Variants in CEP112 observed in about 807,000 individuals in gnomAD.
CEP112 encodes centrosomal protein 112, also known as centrosomal protein of 112 kDa.
CEP112 carries 127 observed loss-of-function variants against 153.0 expected under a neutral mutation model. The ratio of observed to expected loss-of-function variants is 0.83; its 90% CI spans 0.72 to 0.96. The LOEUF (loss-of-function observed/expected upper bound fraction) is 0.96, where lower values mean the gene tolerates loss of function less well. Ranked by LOEUF, CEP112 falls within the 40% of genes least tolerant of loss-of-function variation. The pLI is 0.00. For synonymous variants in CEP112, 358 were observed against 374.4 expected, an observed-to-expected ratio of 0.96 and a Z score of 0.51; for missense variants, 1,089 against 1,101.2, an observed-to-expected ratio of 0.99 and a Z score of 0.16.
intron 4 of CEP112, among the ~76,000 whole-genome samples, chr17:66,155,255 G>A (rs2071386915): frequency 6.6e-6 from 1 of 152,122 alleles, no homozygotes; most frequent in Non-Finnish European, 1.5e-5. Context: ...CCGAAGCAGG[G>A]TGGGGTGATG....
intron 11 of CEP112, among the ~76,000 whole-genome samples, chr17:66,061,779 CA>C (rs2066930731): frequency 6.6e-6 from 1 of 152,022 alleles, no homozygotes. Flanking sequence ...TTACAAGAAG[CA>C]GGGGAGGAGA....
chr17:66,109,622 A>G (rs973852448), intron 6 of CEP112, among the ~76,000 whole-genome samples: 3 of 152,068 alleles, frequency 2.0e-5, no homozygotes, highest in Non-Finnish European at 4.4e-5. Context: ...TCATCAAAAG[A>G]TTAGGGCTAA....
chr17:65,998,595 T>G (rs1324410794), intron 17 of CEP112, among the ~76,000 whole-genome samples: 1 of 151,904 alleles, frequency 6.6e-6, no homozygotes, highest in East Asian at 1.9e-4. Flanking sequence ...CTGGAAAACC[T>G]GTTCATATGA....
chr17:66,046,342 A>G (rs2066209680), intron 12 of CEP112, among the ~76,000 whole-genome samples: 1 of 152,096 alleles, frequency 6.6e-6, no homozygotes, highest in Non-Finnish European at 1.5e-5. Context: ...ACGCCCGGCC[A>G]AAAAGTTTTT....
At chr17:65,844,739 GGC>G (rs2057659814) in intron 21 of CEP112, among the ~76,000 whole-genome samples, 2 of 151,752 alleles carry the variant, frequency 1.3e-5, no homozygotes, top group South Asian at 4.2e-4. Context: ...CATCTGGCTG[GGC>G]GTGGTGGCTC....
At chr17:65,716,471 T>C (rs7224972) in intron 23 of CEP112, among the ~76,000 whole-genome samples, 15,619 of 152,006 alleles carry the variant, frequency 0.1, 1,897 homozygotes, top group African/African-American at 0.28. Context: ...AGCCCTATGC[T>C]TTTAAGAGTT....
At chr17:66,190,272 G>A (rs928914058) in intron 1 of CEP112, among the ~76,000 whole-genome samples, 23 of 151,216 alleles carry the variant, frequency 1.5e-4, no homozygotes, top group African/African-American at 5.1e-4. Flanking sequence ...TCATGCCACT[G>A]CACTCCAGCC....
rs73992162 is a variant in CEP112, at chr17:65,967,374, T to C, written c.1737-5776A>G. Among the ~76,000 whole-genome samples, 1,078 of 152,342 alleles carry C rather than the reference T, an allele frequency of 7.1e-3. 11 individuals carry two copies. The highest frequency in any genetic ancestry group is 0.024 in the African/African-American group (1,000 of 41,588). On this transcript the variant is annotated intron_variant, in intron 17 of 26. Transcript: ENST00000535342. ...AAAGAACTAGTTCTGGCATCAACTT[T>C]GTAGCCTTTATTCTCAGTAAGTTAG...
chr17:65,880,446 T>C (rs1014653131), intron 20 of CEP112, among the ~76,000 whole-genome samples: 2 of 151,728 alleles, frequency 1.3e-5, no homozygotes, highest in African/African-American at 4.8e-5. Flanking sequence ...ATTTAAAAAA[T>C]GGGGGGGGCT....
At chr17:65,969,584 CAT>C (rs879333777) in intron 17 of CEP112, among the ~76,000 whole-genome samples, 5 of 152,182 alleles carry the variant, frequency 3.3e-5, no homozygotes, top group South Asian at 2.1e-4. Flanking sequence ...CAAGTATACA[CAT>C]ATATTGCATG....
chr17:65,660,217 C>CT (rs2046278925), intron 24 of CEP112, among the ~76,000 whole-genome samples: 51 of 36,988 alleles, frequency 1.4e-3, no homozygotes, highest in African/African-American at 8.9e-3. Context: ...CTTTCCTTCC[C>CT]TCCCTCCCTC....
At chr17:66,084,917 T>C (rs2067860637) in intron 8 of CEP112, among the ~76,000 whole-genome samples, 1 of 152,202 alleles carries the variant, frequency 6.6e-6, no homozygotes, top group South Asian at 2.1e-4. Flanking sequence ...AACTATATCA[T>C]GTAACCCACA....
chr17:66,016,874 G>A (rs12937306), intron 16 of CEP112, among the ~76,000 whole-genome samples: 78,327 of 151,954 alleles, frequency 0.52, 21,114 homozygotes, highest in African/African-American at 0.59. Context: ...CGATGATTAC[G>A]AGTCCAAGCT....
intron 17 of CEP112, among the ~76,000 whole-genome samples, chr17:65,983,603 C>T (rs547538568): frequency 2.0e-5 from 3 of 152,054 alleles, no homozygotes; most frequent in African/African-American, 7.2e-5. Flanking sequence ...CCCTTCCTCT[C>T]CCTCCTGCTC....
At chr17:65,681,507 C>T (rs1395676506) in intron 24 of CEP112, among the ~76,000 whole-genome samples, 1 of 150,306 alleles carries the variant, frequency 6.7e-6, no homozygotes, top group South Asian at 2.1e-4. Flanking sequence ...ATTTAAATGC[C>T]TCCAAATGAA....
At chr17:66,084,143 C>G (rs905355629) in intron 8 of CEP112, among the ~76,000 whole-genome samples, 1 of 151,818 alleles carries the variant, frequency 6.6e-6, no homozygotes, top group Admixed American at 6.6e-5. Context: ...GCCTTTTATC[C>G]AAAAGATAGG....
chr17:65,925,625 C>T (rs1178973793), intron 19 of CEP112, among the ~76,000 whole-genome samples: 2 of 152,118 alleles, frequency 1.3e-5, no homozygotes, highest in Non-Finnish European at 2.9e-5. Flanking sequence ...AGTTTGCAAT[C>T]GTAGTCAGCA....
At chr17:65,716,550 A>G (rs542764330) in intron 23 of CEP112, among the ~76,000 whole-genome samples, 1 of 152,276 alleles carries the variant, frequency 6.6e-6, no homozygotes, top group East Asian at 1.9e-4. Context: ...GAGTCAAGTC[A>G]AAGTTTTAGG....
intron 4 of CEP112, among the ~76,000 whole-genome samples, chr17:66,151,210 T>C (rs1184605350): frequency 6.6e-6 from 1 of 152,238 alleles, no homozygotes; most frequent in Non-Finnish European, 1.5e-5. Context: ...TGGTTCTATT[T>C]AGTCTGTCAT....
Sources: allele counts gnomAD v4.1 joint callset (sites outside exome capture counted in the v4.1 genomes callset), GRCh38; gene constraint gnomAD v4.1.1; transcripts MANE v1.5; gene names NCBI Gene and HGNC (gene_info 2026-07-23, HGNC 2026-07-21).